COMMD4: variants seen among roughly 807,000 people sequenced by gnomAD.
COMMD4 encodes the protein COMM domain-containing protein 4.
COMMD4 carries 18 observed loss-of-function variants against 27.5 expected under a neutral mutation model. The ratio of observed to expected loss-of-function variants is 0.65; its 90% CI spans 0.45 to 0.97. The LOEUF (loss-of-function observed/expected upper bound fraction) is 0.97. COMMD4 is among the 50% of genes least tolerant of loss of function. The probability of loss-of-function intolerance (pLI) is 0.00; values close to 1 mark genes in which losing one functional copy is unlikely to be tolerated. For missense variants in COMMD4, 243 were observed against 250.0 expected (o/e 0.97, Z 0.19); for synonymous variants, 108 against 108.4 (o/e 1.00, Z 0.02).
chr15:75,338,092 C>T lies in COMMD4; in HGVS notation c.34C>T (p.Pro12Ser). ...RFRFCGDLDCPDWVLAEISTL... is the reference protein window; with the variant it reads ...RFRFCGDLDCSDWVLAEISTL... ...CCGGTTCTGTGGTGATCTGGACTGT[C>T]CCGACTGGGTCCTGGCAGAAATCAG... Residue 12 changes from proline to serine, a missense_variant, in exon 2 of 8, where the codon CCC becomes TCC. Pro to Ser is a moderately conservative substitution (Grantham distance 74). Transcript: ENST00000267935. 3.1e-6 allele frequency: 5 copies of T among 1,608,972 alleles called. No homozygotes were observed. Among genetic ancestry groups the T allele is most frequent in the Admixed American group, 1.7e-5 (1 of 59,452 alleles).
chr15:75,340,177 C>T lies in COMMD4; in HGVS notation c.*172C>T. On this transcript the variant is annotated 3_prime_UTR_variant, in exon 8 of 8. Transcript: ENST00000267935. ...TCTCTCTTGAGAACTTGGCTCAGGG[C>T]TCCTGAGGACCTTTCCCAGCATTAC... The T allele has an allele frequency of 4.5e-6, 3 of 662,206 alleles. No homozygotes were observed. Among genetic ancestry groups the T allele is most frequent in the Admixed American group, 2.9e-5 (1 of 34,254 alleles). The allele number at this position is 662,206 out of a possible 1,614,324, so 41.0% of individuals were successfully genotyped here. A position where few individuals can be genotyped will look rare whatever the true frequency, so the allele number is the denominator to read the frequency against.
At chr15:75,336,421 G>GGACC in intron 1 of COMMD4, 1 of 693,316 alleles carries the variant, frequency 1.4e-6, no homozygotes. Context: ...ATCCCCAAGA[G>GGACC]GACCTCCCAA....
chr15:75,336,147 C>G lies in COMMD4; in HGVS notation c.3+55C>G, dbSNP rs1438177527. On this transcript the variant is annotated intron_variant, in intron 1 of 7. Coordinates refer to ENST00000267935, the MANE Select transcript of COMMD4 (RefSeq NM_017828.5). ...GGCTGCTGGAGCGGGAATGAGGGGG[C>G]GCCAAGTGGCTCCGGAAACTGGGGG... The G allele has an allele frequency of 2.6e-6, 4 of 1,549,538 alleles. No homozygotes were observed. In the African/African-American group the frequency reaches 5.5e-5, roughly 21 times the overall value.
intron 1 of COMMD4, chr15:75,337,672 A>G (rs926305651): frequency 4.3e-5 from 10 of 232,068 alleles, no homozygotes; most frequent in African/African-American, 2.3e-4. Context: ...GTGCCCCAGC[A>G]GCAGCAGGGA....
chr15:75,339,176 A>C (rs1263269055), intron 5 of COMMD4, 72 bp downstream of exon 5: 1 of 1,611,942 alleles, frequency 6.2e-7, no homozygotes, highest in Non-Finnish European at 8.5e-7. Context: ...AGGCCCTGTG[A>C]CCCTGAGGTG....
chr15:75,339,126 C>T, intron 5 of COMMD4, 22 bp downstream of exon 5: 1 of 1,612,806 alleles, frequency 6.2e-7, no homozygotes, highest in South Asian at 1.1e-5. Flanking sequence ...GGGTGGGCAG[C>T]TGGGCAGCCT....
Position 75,339,582 on chromosome 15 carries a change from G to A in COMMD4, c.383-120G>A, listed in dbSNP as rs2071371227. The A allele has an allele frequency of 1.4e-5, 17 of 1,221,300 alleles. 1 individual carries two copies. The South Asian group carries it at 2.3e-4, about 17-fold the overall frequency. 75.7% of individuals were successfully genotyped at this position (1,221,300 alleles called of 1,614,324 possible). On this transcript the variant is annotated intron_variant, in intron 6 of 7. Transcript: ENST00000267935. ...GCCCTGTTCTGAGCCTGGGTCAGCA[G>A]GATGGGAGCTTCTTAGAGGCCACAT...
downstream of COMMD4, chr15:75,340,758 G>C (rs1051562495): frequency 2.0e-5 from 3 of 151,198 alleles, no homozygotes; most frequent in Admixed American, 2.0e-4. Context: ...TGCCTCAGCT[G>C]CCCGAGTAGG....
downstream of COMMD4, chr15:75,340,808 G>GT (rs201776080): frequency 0.028 from 3,195 of 113,306 alleles, 128 homozygotes; most frequent in Admixed American, 0.12. Context: ...GGCTAATTTT[G>GT]TTTTTTTTTT....
chr15:75,338,714 C>T (rs754799289), intron 4 of COMMD4, 29 bp downstream of exon 4: 11 of 1,610,152 alleles, frequency 6.8e-6, no homozygotes, highest in African/African-American at 1.3e-5. Flanking sequence ...CTATAGGCCC[C>T]AGGCAACCCT....
Position 75,338,103 on chromosome 15 carries a change from C to T in COMMD4, c.45C>T (p.Val15=), listed in dbSNP as rs371574355. The T allele has an allele frequency of 3.7e-6, 6 of 1,608,608 alleles. No homozygotes were observed. Among genetic ancestry groups the T allele is most frequent in the East Asian group, 2.2e-5 (1 of 44,698 alleles). The part of the protein sequence containing the change: ...FCGDLDCPDW[V]LAEISTLAKM... ...GTGATCTGGACTGTCCCGACTGGGT[C>T]CTGGCAGAAATCAGCACGCTGGCCA... Residue 15 remains valine, a synonymous_variant, in exon 2 of 8, where the codon GTC becomes GTT. Transcript: ENST00000267935.
chr15:75,340,456 G>A (rs1209416486), downstream of COMMD4, among the ~76,000 whole-genome samples: 3 of 152,204 alleles, frequency 2.0e-5, no homozygotes, highest in East Asian at 5.8e-4. Context: ...GAAAATCAGG[G>A]TTCTAGCTCC....
chr15:75,339,535 C>A (rs2071369604), intron 6 of COMMD4, 167 bp from the exon 7 acceptor site: 1 of 1,149,770 alleles, frequency 8.7e-7, no homozygotes, highest in Non-Finnish European at 1.2e-6. Context: ...TGTGGGTGAT[C>A]AGAACTGATT....
downstream of COMMD4, chr15:75,343,157 A>G (rs1214508345): frequency 6.6e-6 from 1 of 152,230 alleles, no homozygotes; most frequent in Non-Finnish European, 1.5e-5. Flanking sequence ...GTAACAAAAC[A>G]TCACACTGTA....
chr15:75,336,140 G>A (rs2141280970), intron 1 of COMMD4, 48 bp downstream of exon 1: 1 of 1,549,784 alleles, frequency 6.5e-7, no homozygotes, highest in Non-Finnish European at 8.7e-7. Context: ...GAGCGGGAAT[G>A]AGGGGGCGCC....
chr15:75,336,178 G>A, intron 1 of COMMD4, 86 bp downstream of exon 1: 2 of 1,549,362 alleles, frequency 1.3e-6, no homozygotes, highest in Non-Finnish European at 8.7e-7. Flanking sequence ...GGGGGAGGTT[G>A]TACTGGCCTC....
rs1304324151 is a variant in COMMD4, at chr15:75,339,683, C to T, written c.383-19C>T. On this transcript the variant is annotated intron_variant, in intron 6 of 7. Transcript: ENST00000267935. ...GCTTGCCTGCTTTGATCCTGAGAGCCACCCACCCCATCTCACAGTGAATAG... is the reference window on the plus strand; with the variant it reads ...GCTTGCCTGCTTTGATCCTGAGAGCTACCCACCCCATCTCACAGTGAATAG... 1 of 1,561,456 alleles carries T rather than the reference C, an allele frequency of 6.4e-7. No individual in the cohort carries two copies.
At chr15:75,336,273 G>T in intron 1 of COMMD4, 181 bp downstream of exon 1, 1 of 1,496,908 alleles carries the variant, frequency 6.7e-7, no homozygotes, top group Non-Finnish European at 8.9e-7. Flanking sequence ...AGACGGGGGC[G>T]GGGGTACGGG....
rs548806608 is a variant in COMMD4, at chr15:75,337,877, G to T, written c.4-185G>T. ...AGTAGACCTCAGAGCAGGGTTTGGT[G>T]GCAGGGTGGGTCAGGGAGAGAGTTT... On this transcript the variant is annotated intron_variant, in intron 1 of 7. Coordinates refer to ENST00000267935, the MANE Select transcript of COMMD4 (RefSeq NM_017828.5). 2.2e-5 allele frequency: 14 copies of T among 628,006 alleles called. No individual in the cohort carries two copies. The East Asian group carries it at 3.6e-4, about 16-fold the overall frequency. The allele number at this position is 628,006 out of a possible 1,614,324, so 38.9% of individuals were successfully genotyped here. A position where few individuals can be genotyped will look rare whatever the true frequency, so the allele number is the denominator to read the frequency against.
Sources: allele counts gnomAD v4.1 joint callset (sites outside exome capture counted in the v4.1 genomes callset), GRCh38; gene constraint gnomAD v4.1.1; transcripts MANE v1.5; gene names NCBI Gene and HGNC (gene_info 2026-07-23, HGNC 2026-07-21).